Variants in EDDM13 observed in about 807,000 individuals in gnomAD.
The protein encoded by EDDM13 is epididymal protein 13.
EDDM13 carries 24 observed loss-of-function variants against 17.8 expected under a neutral mutation model. That is an observed-to-expected ratio of 1.35 (90% confidence interval 0.98 to 1.90). The LOEUF is 1.90. EDDM13 is among the 40% of genes most tolerant of loss of function. The probability of loss-of-function intolerance (pLI) is 0.00; values close to 1 mark genes in which losing one functional copy is unlikely to be tolerated. For missense variants in EDDM13, 97 were observed against 100.8 expected (o/e 0.96, Z 0.16); for synonymous variants, 31 against 37.5 (o/e 0.83, Z 0.63).
At chr19:56,280,350 A>G (rs1482673733) in intron 2 of EDDM13, among the ~76,000 whole-genome samples, 2 of 152,158 alleles carry the variant, frequency 1.3e-5, no homozygotes, top group Non-Finnish European at 2.9e-5. Flanking sequence ...CCAGTCACAT[A>G]CTAATGGCCA....
intron 2 of EDDM13, among the ~76,000 whole-genome samples, chr19:56,278,508 T>C (rs1395882343): frequency 6.6e-6 from 1 of 152,224 alleles, no homozygotes; most frequent in Admixed American, 6.5e-5. Flanking sequence ...GGGAAGATCA[T>C]GCAGACCCGT....
At chr19:56,273,173 G>A (rs1029764448) in intron 1 of EDDM13, among the ~76,000 whole-genome samples, 33 of 152,164 alleles carry the variant, frequency 2.2e-4, no homozygotes, top group Non-Finnish European at 1.6e-4. Context: ...GAGACACTGC[G>A]TCTGCAAACC....
At chr19:56,294,957 G>A (rs11883295) in intron 9 of EDDM13, 66,335 of 152,102 alleles carry the variant, frequency 0.44, 15,157 homozygotes, top group Admixed American at 0.51. Context: ...CAGCTTAGTG[G>A]TTGCCTAGGA....
chr19:56,306,345 G>C (rs905307903), intron 14 of EDDM13, among the ~76,000 whole-genome samples: 3 of 121,052 alleles, frequency 2.5e-5, no homozygotes, highest in East Asian at 2.5e-4. Flanking sequence ...CTCTTCCCTT[G>C]ATAGCTACAA....
intron 6 of EDDM13, among the ~76,000 whole-genome samples, chr19:56,287,158 TG>T (rs1252959198): frequency 6.6e-6 from 1 of 152,222 alleles, no homozygotes; most frequent in Non-Finnish European, 1.5e-5. Flanking sequence ...CCATCTTAGG[TG>T]GTGAAACCAC....
chr19:56,280,073 TATTA>T lies in EDDM13; in HGVS notation c.104-1615_104-1612del, dbSNP rs1014924539. Among the ~76,000 whole-genome samples the T allele has an allele frequency of 4.5e-4, 68 of 152,326 alleles. 1 individual carries two copies. The highest frequency in any genetic ancestry group is 3.7e-4 in the Non-Finnish European group (25 of 68,026). Reference sequence around the variant, plus strand: ...ATTTCCCTTCCCCGAAAGAATCTGATATTAATTATTTCTTCCAGATCCTTCCAGA... The same window carrying T: ...ATTTCCCTTCCCCGAAAGAATCTGATATTATTTCTTCCAGATCCTTCCAGA... On this transcript the variant is annotated intron_variant, in intron 2 of 14. Transcript: ENST00000649256.
chr19:56,302,573 CTTCCTCCCCCTT>C (rs1305216044), intron 13 of EDDM13, among the ~76,000 whole-genome samples: 6 of 74,244 alleles, frequency 8.1e-5, no homozygotes, highest in African/African-American at 4.4e-4. Flanking sequence ...CCTTCCTTTT[CTTCCTCCCCCTT>C]TTCTTCCTCT....
At chr19:56,285,146 C>A in intron 6 of EDDM13, 122 bp downstream of exon 6, 1 of 352,188 alleles carries the variant, frequency 2.8e-6, no homozygotes, top group Non-Finnish European at 4.0e-6. Context: ...ATTATCCAAG[C>A]ACATGTTTTG....
At chr19:56,293,784 G>A (rs1377405302) in intron 9 of EDDM13, among the ~76,000 whole-genome samples, 1 of 152,084 alleles carries the variant, frequency 6.6e-6, no homozygotes, top group African/African-American at 2.4e-5. Flanking sequence ...GGAGGCTAAC[G>A]GCATCTAATG....
intron 12 of EDDM13, among the ~76,000 whole-genome samples, chr19:56,298,571 T>G (rs1246011355): frequency 6.6e-6 from 1 of 151,530 alleles, no homozygotes; most frequent in Non-Finnish European, 1.5e-5. Context: ...GAGAATCACT[T>G]GAACCTGGGA....
At chr19:56,305,693 AG>A (rs1321571957) in intron 14 of EDDM13, among the ~76,000 whole-genome samples, 4 of 152,234 alleles carry the variant, frequency 2.6e-5, no homozygotes, top group Non-Finnish European at 5.9e-5. Context: ...TGAGCTCACA[AG>A]AAAACAATTA....
chr19:56,278,245 C>T (rs973082022), intron 2 of EDDM13, among the ~76,000 whole-genome samples: 39 of 152,186 alleles, frequency 2.6e-4, no homozygotes, highest in Admixed American at 1.0e-3. Context: ...CCTCAGCATC[C>T]GAAGTAGCCT....
chr19:56,295,646 G>A (rs964841852), intron 9 of EDDM13, among the ~76,000 whole-genome samples: 10 of 152,058 alleles, frequency 6.6e-5, no homozygotes, highest in Non-Finnish European at 1.3e-4. Context: ...TGGGAATGGC[G>A]TGGCGGCTTC....
intron 10 of EDDM13, 125 bp from the exon 11 acceptor site, chr19:56,296,211 C>G (rs1010008042): frequency 6.6e-6 from 1 of 152,082 alleles, no homozygotes; most frequent in Non-Finnish European, 1.5e-5. Context: ...GAGGACGATG[C>G]GGGCAATCCA....
chr19:56,299,054 A>C (rs1233045626), intron 12 of EDDM13, among the ~76,000 whole-genome samples: 3 of 152,234 alleles, frequency 2.0e-5, no homozygotes, highest in Non-Finnish European at 4.4e-5. Flanking sequence ...TGGTATTCCC[A>C]CCTTATTAAC....
At chr19:56,294,724 G>GC (rs1396698320) in intron 9 of EDDM13, among the ~76,000 whole-genome samples, 2 of 152,174 alleles carry the variant, frequency 1.3e-5, no homozygotes, top group African/African-American at 4.8e-5. Context: ...ATCTACAAAA[G>GC]CAAGTGTCAG....
chr19:56,293,120 G>A (rs74634926), intron 9 of EDDM13, among the ~76,000 whole-genome samples: 1 of 152,140 alleles, frequency 6.6e-6, no homozygotes. Context: ...TTGAGCCTCA[G>A]TGAAACCCAA....
At chr19:56,309,033 A>G (rs2040871889) in intron 14 of EDDM13, among the ~76,000 whole-genome samples, 1 of 152,234 alleles carries the variant, frequency 6.6e-6, no homozygotes. Context: ...TAGAGAATAC[A>G]CTGATGGCTG....
intron 14 of EDDM13, among the ~76,000 whole-genome samples, chr19:56,308,683 C>T (rs2040855877): frequency 6.6e-6 from 1 of 151,456 alleles, no homozygotes; most frequent in Non-Finnish European, 1.5e-5. Flanking sequence ...CTCCATTATG[C>T]CATTGCACAC....
Sources: allele counts gnomAD v4.1 joint callset (sites outside exome capture counted in the v4.1 genomes callset), GRCh38; gene constraint gnomAD v4.1.1; transcripts MANE v1.5; gene names NCBI Gene and HGNC (gene_info 2026-07-23, HGNC 2026-07-21).